The following SLC44A1 variants were observed in gnomAD, a reference collection of about 807,000 sequenced individuals.
SLC44A1 encodes solute carrier family 44 member 1, also known as choline transporter-like protein 1.
In SLC44A1, 26 loss-of-function variants were observed where a neutral mutation model predicts 79.3. The ratio of observed to expected loss-of-function variants is 0.33; its 90% CI spans 0.24 to 0.46. The LOEUF (loss-of-function observed/expected upper bound fraction) is 0.46, where lower values mean the gene tolerates loss of function less well. Among genes scored for constraint, SLC44A1 ranks in the 20% least tolerant of loss-of-function variants. The pLI, the probability that SLC44A1 is intolerant of heterozygous loss-of-function variation, is 1.00. For missense variants in SLC44A1, 688 were observed against 798.1 expected, an observed-to-expected ratio of 0.86 and a Z score of 1.66; for synonymous variants, 263 against 286.2, an observed-to-expected ratio of 0.92 and a Z score of 0.82.
At chr9:105,364,067 C>T (rs151080417) in intron 9 of SLC44A1, among the ~76,000 whole-genome samples, 78 of 152,248 alleles carry the variant, frequency 5.1e-4, no homozygotes, top group African/African-American at 1.7e-3. Flanking sequence ...TTTCTTACAG[C>T]CGTACTGAGT....
chr9:105,421,713 G>C (rs958241983), intron 15 of SLC44A1, among the ~76,000 whole-genome samples: 2 of 150,616 alleles, frequency 1.3e-5, no homozygotes, highest in African/African-American at 4.9e-5. Flanking sequence ...TCAGCCTCCC[G>C]AGTAGCTGGG....
chr9:105,247,756 A>G (rs1829492332), intron 1 of SLC44A1, among the ~76,000 whole-genome samples: 1 of 152,176 alleles, frequency 6.6e-6, no homozygotes, highest in Non-Finnish European at 1.5e-5. Context: ...AGCAGTAGTC[A>G]CTGGAGGGAA....
chr9:105,412,590 A>G (rs1273844967), intron 15 of SLC44A1, among the ~76,000 whole-genome samples: 5 of 152,122 alleles, frequency 3.3e-5, no homozygotes, highest in Admixed American at 6.5e-5. Context: ...CAGCAGGAGA[A>G]AGGAAATGAC....
chr9:105,281,102 T>A (rs1385494160), intron 1 of SLC44A1, among the ~76,000 whole-genome samples: 1 of 152,170 alleles, frequency 6.6e-6, no homozygotes, highest in Non-Finnish European at 1.5e-5. Context: ...AATTCACTGT[T>A]GTCATGGAGA....
intron 15 of SLC44A1, among the ~76,000 whole-genome samples, chr9:105,425,872 A>G (rs1829316703): frequency 6.6e-6 from 1 of 152,226 alleles, no homozygotes; most frequent in Non-Finnish European, 1.5e-5. Flanking sequence ...GCCTTGAGGC[A>G]GAAAATTCTT....
At chr9:105,359,618 C>A (rs1239930183) in intron 7 of SLC44A1, among the ~76,000 whole-genome samples, 2 of 152,030 alleles carry the variant, frequency 1.3e-5, no homozygotes, top group Admixed American at 6.5e-5. Context: ...GAACAGCTTC[C>A]TCCTTGACAT....
At chr9:105,397,492 C>A, downstream of SLC44A1, 1 of 351,176 alleles carries the variant, frequency 2.8e-6, no homozygotes, top group Non-Finnish European at 4.0e-6. Context: ...TCTCTCGCAG[C>A]ATGTTCTGGG....
intron 1 of SLC44A1, among the ~76,000 whole-genome samples, chr9:105,290,370 A>G (rs1407365420): frequency 2.0e-5 from 3 of 152,196 alleles, no homozygotes; most frequent in Non-Finnish European, 4.4e-5. Flanking sequence ...GATAGGAAAA[A>G]AATGAAGCCC....
In SLC44A1 at chr9:105,391,003, T is replaced by G. The variant is rs1461705963; in HGVS notation, c.*1947T>G. 36 of 985,280 alleles carry G rather than the reference T, an allele frequency of 3.7e-5. No homozygotes were observed. Among genetic ancestry groups the G allele is most frequent in the Non-Finnish European group, 4.2e-5 (35 of 829,534 alleles). 61.0% of individuals were successfully genotyped at this position (985,280 alleles called of 1,614,324 possible). ...GAGAGAGCAAATCATGTGAGAAAAT[T>G]CAGAATACCATCTGTTTCATAGCCG... On this transcript the variant is annotated 3_prime_UTR_variant, in exon 16 of 16. Transcript: ENST00000374720.
chr9:105,323,215 C>CAAA (rs575818228), intron 3 of SLC44A1, among the ~76,000 whole-genome samples: 11 of 76,576 alleles, frequency 1.4e-4, no homozygotes, highest in East Asian at 5.9e-4. Context: ...AACTCCATCT[C>CAAA]AAAAAAAAAA....
rs1327508806 is a variant in SLC44A1 at position 105,364,606 on chromosome 9, C to T, written c.1139C>T (p.Pro380Leu). The change falls in exon 10 of 16, where the codon CCT becomes CTT. Residue 380 changes from proline (P) to leucine (L), a missense_variant. By Grantham distance (98) the Pro-to-Leu change is moderately conservative. Transcript: ENST00000374720. ...TTTGTGGAGTTCAAAATTTCTGGGC[C>T]TCTGCAGTACATGTGGTGGTACCAT... ...QGFVEFKISG[P>L]LQYMWWYHVV... The T allele has an allele frequency of 6.2e-7, 1 of 1,613,816 alleles. No homozygotes were observed. Among genetic ancestry groups the T allele is most frequent in the Admixed American group, 1.7e-5 (1 of 59,982 alleles).
At chr9:105,432,567 G>A (rs1009611606) in intron 15 of SLC44A1, among the ~76,000 whole-genome samples, 2 of 152,198 alleles carry the variant, frequency 1.3e-5, no homozygotes, top group African/African-American at 4.8e-5. Context: ...CCAAAGCTTT[G>A]TTGCCATATG....
intron 3 of SLC44A1, among the ~76,000 whole-genome samples, chr9:105,323,215 CAAAAAAAAAA>C (rs575818228): frequency 2.6e-5 from 2 of 76,614 alleles, no homozygotes; most frequent in East Asian, 5.9e-4. Flanking sequence ...AACTCCATCT[CAAAAAAAAAA>C]AAAAAAAAAA....
chr9:105,360,685 CT>C (rs998729018), intron 7 of SLC44A1, among the ~76,000 whole-genome samples: 10 of 152,174 alleles, frequency 6.6e-5, no homozygotes, highest in African/African-American at 2.4e-4. Context: ...GGGAACTGTT[CT>C]TTTGATTTGC....
intron 1 of SLC44A1, among the ~76,000 whole-genome samples, chr9:105,271,839 C>T (rs766135940): frequency 2.5e-4 from 38 of 152,162 alleles, no homozygotes; most frequent in Non-Finnish European, 4.3e-4. Context: ...GTCTCAAACT[C>T]CTGACCTCAG....
intron 12 of SLC44A1, among the ~76,000 whole-genome samples, chr9:105,373,974 A>T (rs1471629185): frequency 6.6e-6 from 1 of 152,156 alleles, no homozygotes; most frequent in African/African-American, 2.4e-5. Context: ...CCATCCCCAG[A>T]GCTGGAGGTA....
At chr9:105,301,754 G>T (rs766803234) in intron 2 of SLC44A1, among the ~76,000 whole-genome samples, 3 of 152,128 alleles carry the variant, frequency 2.0e-5, no homozygotes, top group African/African-American at 7.2e-5. Context: ...TTAAATATTA[G>T]CTTGTCTAAG....
At position 105,383,219 on chromosome 9, in the gene SLC44A1, C is replaced by T; in HGVS notation, c.1729C>T (p.Leu577Phe). The T allele has an allele frequency of 4.3e-6, 7 of 1,614,084 alleles. No individual in the cohort carries two copies. The highest frequency in any genetic ancestry group is 5.9e-6 in the Non-Finnish European group (7 of 1,179,976). Residue 577 changes from leucine to phenylalanine, a missense_variant, in exon 14 of 16, where the codon CTC becomes TTC. Physicochemically the swap from Leu to Phe is conservative, Grantham distance 22. Coordinates refer to ENST00000374720, the MANE Select transcript of SLC44A1 (RefSeq NM_080546.5). ...GGTGCTGCCTCTGATCATCGTCTGC[C>T]TCTTTGCTTTCCTAGTCGCTCATTG... is the stretch of plus-strand genomic sequence containing the variant. ...VWVLPLIIVC[L>F]FAFLVAHCFL...
chr9:105,309,862 C>A lies in SLC44A1; in HGVS notation c.265C>A (p.Arg89=). The change falls in exon 3 of 16, where the codon CGG becomes AGG. Residue 89 remains arginine (R), a synonymous_variant. Transcript: ENST00000374720. ...AAACAGTGGCATGGACCACACCCAGCGGAAGTGAGTAGACTTGCTGAATGA... is the reference window on the plus strand; with the variant it reads ...AAACAGTGGCATGGACCACACCCAGAGGAAGTGAGTAGACTTGCTGAATGA... ...IPNSGMDHTQ[R]KYVFFLDPCN... The A allele has an allele frequency of 1.2e-6, 2 of 1,612,410 alleles. No homozygotes were observed. The highest frequency in any genetic ancestry group is 1.7e-6 in the Non-Finnish European group (2 of 1,178,942).
Sources: gnomAD v4.1 joint callset for allele counts (sites outside exome capture counted in the v4.1 genomes callset) on GRCh38, gnomAD v4.1.1 for gene constraint, MANE v1.5 for transcripts, NCBI Gene and HGNC (gene_info 2026-07-23, HGNC 2026-07-21) for gene names.